Variants in FGF14 observed in about 807,000 individuals in gnomAD.
FGF14 encodes the protein fibroblast growth factor homologous factor 4.
In FGF14, 5 loss-of-function variants were observed where a neutral mutation model predicts 25.5. The observed-to-expected ratio is 0.20, with a 90% CI of 0.10 to 0.41. FGF14 has a LOEUF of 0.41. Among genes scored for constraint, FGF14 ranks in the 10% least tolerant of loss-of-function variants. The pLI is 1.00. For missense variants in FGF14, 222 were observed against 320.1 expected, an observed-to-expected ratio of 0.69 and a Z score of 2.34; for synonymous variants, 138 against 118.3, an observed-to-expected ratio of 1.17 and a Z score of -1.08.
intron 1 of FGF14, among the ~76,000 whole-genome samples, chr13:102,113,386 G>A (rs1372464834): frequency 1.3e-5 from 2 of 152,138 alleles, no homozygotes; most frequent in South Asian, 4.1e-4. Flanking sequence ...ATAGGACATC[G>A]ATCAAACCAT....
chr13:102,245,860 G>A (rs1320580668), intron 1 of FGF14, among the ~76,000 whole-genome samples: 1 of 152,140 alleles, frequency 6.6e-6, no homozygotes, highest in East Asian at 1.9e-4. Context: ...CTGCGTGCAA[G>A]ACAGATCAAG....
chr13:101,811,479 T>C (rs559139347), intron 3 of FGF14, among the ~76,000 whole-genome samples: 1 of 152,312 alleles, frequency 6.6e-6, no homozygotes, highest in African/African-American at 2.4e-5. Context: ...TACCCCATTG[T>C]TTGGGTGTGC....
intron 3 of FGF14, among the ~76,000 whole-genome samples, chr13:101,816,269 C>CAAAAAAAAAAAAAAA (rs58615099): frequency 5.3e-4 from 47 of 89,000 alleles, no homozygotes; most frequent in African/African-American, 2.1e-3. Context: ...GACTCCGTCT[C>CAAAAAAAAAAAAAAA]AAAAAAAAAA....
chr13:101,823,263 T>C (rs1250619007), intron 3 of FGF14, among the ~76,000 whole-genome samples: 4 of 91,960 alleles, frequency 4.3e-5, no homozygotes, highest in Non-Finnish European at 1.0e-4. Context: ...CTATGTTTAA[T>C]TGAGGAATTG....
At chr13:102,075,195 A>C (rs879386236) in intron 1 of FGF14, among the ~76,000 whole-genome samples, 1 of 152,224 alleles carries the variant, frequency 6.6e-6, no homozygotes, top group East Asian at 1.9e-4. Context: ...TCACCAGAAA[A>C]CTGTTGGAAC....
rs189552836 is a variant in FGF14, at chr13:101,717,782, T to C, written c.*5049A>G. On this transcript the variant is annotated 3_prime_UTR_variant, in exon 5 of 5. Transcript: ENST00000376143. ...GTGGATTTGGCTGGCAGCTGGGCAG[T>C]ACTTTGTCAGCCTCAGCTCCACTGG... is the stretch of plus-strand genomic sequence containing the variant. 8.7e-4 allele frequency: 133 copies of C among 152,286 alleles called. No homozygotes were observed. Among genetic ancestry groups the C allele is most frequent in the African/African-American group, 3.0e-3 (125 of 41,586 alleles). The allele number at this position is 152,286 out of a possible 1,614,324, so 9.4% of individuals were successfully genotyped here. A position where few individuals can be genotyped will look rare whatever the true frequency, so the allele number is the denominator to read the frequency against.
chr13:102,169,754 T>C (rs2048171083), intron 1 of FGF14, among the ~76,000 whole-genome samples: 1 of 152,098 alleles, frequency 6.6e-6, no homozygotes, highest in Non-Finnish European at 1.5e-5. Flanking sequence ...TATTGAAAGT[T>C]CTTTCAGGAA....
chr13:102,035,487 G>A (rs1440615492), intron 1 of FGF14, among the ~76,000 whole-genome samples: 1 of 152,114 alleles, frequency 6.6e-6, no homozygotes, highest in Non-Finnish European at 1.5e-5. Flanking sequence ...AGAGTCCCAT[G>A]TGGCCTTGTA....
At chr13:101,922,810 A>G (rs1018342767) in intron 1 of FGF14, among the ~76,000 whole-genome samples, 1 of 151,198 alleles carries the variant, frequency 6.6e-6, no homozygotes, top group African/African-American at 2.4e-5. Flanking sequence ...GATACAGTTT[A>G]CTAAAAAAAA....
chr13:102,143,915 T>C (rs1594130403), intron 1 of FGF14, among the ~76,000 whole-genome samples: 1 of 152,206 alleles, frequency 6.6e-6, no homozygotes, highest in Non-Finnish European at 1.5e-5. Context: ...GTCCTCTAAG[T>C]TACCAATATT....
intron 1 of FGF14, among the ~76,000 whole-genome samples, chr13:102,067,997 A>G (rs2140135397): frequency 6.6e-6 from 1 of 152,306 alleles, no homozygotes; most frequent in African/African-American, 2.4e-5. Flanking sequence ...AGGACAGGAG[A>G]GTGGCATGAC....
chr13:102,057,866 T>TC (rs1351095179), intron 1 of FGF14, among the ~76,000 whole-genome samples: 3 of 152,236 alleles, frequency 2.0e-5, no homozygotes, highest in African/African-American at 7.2e-5. Context: ...ATTCTTGAAG[T>TC]GTCTTAATTT....
intron 3 of FGF14, among the ~76,000 whole-genome samples, chr13:101,751,890 T>C (rs1025513087): frequency 5.3e-5 from 8 of 152,084 alleles, no homozygotes; most frequent in African/African-American, 1.9e-4. Flanking sequence ...TGCTGAGATG[T>C]GGAAACCTTC....
chr13:101,785,315 A>C lies in FGF14; in HGVS notation c.409-58505T>G, dbSNP rs2039742559. Among the ~76,000 whole-genome samples, 4 of 151,068 alleles carry C rather than the reference A, an allele frequency of 2.6e-5. 1 individual carries two copies. The highest frequency in any genetic ancestry group is 2.6e-4 in the Admixed American group (4 of 15,178). On this transcript the variant is annotated intron_variant, in intron 3 of 4. Transcript: ENST00000376143. ...GCTGATCATGACAGACTCTATTTAA[A>C]TATCCACAGTTTCAAAGCCTAGCTT...
At chr13:102,002,329 T>C (rs1336107021) in intron 1 of FGF14, 1 of 152,322 alleles carries the variant, frequency 6.6e-6, no homozygotes, top group African/African-American at 2.4e-5. Flanking sequence ...TTTTTCCTTT[T>C]GGAGAAAGTC....
At chr13:101,829,235 T>C (rs1165000605) in intron 3 of FGF14, among the ~76,000 whole-genome samples, 1 of 152,114 alleles carries the variant, frequency 6.6e-6, no homozygotes, top group Non-Finnish European at 1.5e-5. Context: ...TAGACATCCC[T>C]GTGGAAGAAG....
intron 1 of FGF14, among the ~76,000 whole-genome samples, chr13:102,372,274 A>C (rs1001469869): frequency 4.6e-5 from 7 of 152,152 alleles, no homozygotes; most frequent in Non-Finnish European, 8.8e-5. Context: ...AAAATAAGAA[A>C]CCTACAGGAT....
chr13:101,941,383 A>G (rs1165830463), intron 1 of FGF14, among the ~76,000 whole-genome samples: 1 of 152,246 alleles, frequency 6.6e-6, no homozygotes, highest in Non-Finnish European at 1.5e-5. Flanking sequence ...GTGGATTTCC[A>G]TAAGTTATAA....
intron 1 of FGF14, among the ~76,000 whole-genome samples, chr13:102,009,976 A>C (rs1221195637): frequency 3.9e-5 from 6 of 152,216 alleles, no homozygotes; most frequent in Non-Finnish European, 5.9e-5. Flanking sequence ...TCATGATCTA[A>C]AAGTTCTTAA....
Sources: allele counts gnomAD v4.1 joint callset (sites outside exome capture counted in the v4.1 genomes callset), GRCh38; gene constraint gnomAD v4.1.1; transcripts MANE v1.5; gene names NCBI Gene and HGNC (gene_info 2026-07-23, HGNC 2026-07-21).